The following SPIDR variants were observed in gnomAD, a reference collection of about 807,000 sequenced individuals.
SPIDR encodes the protein DNA repair-scaffolding protein.
A neutral mutation model predicts 104.6 loss-of-function variants in SPIDR; 93 were observed. The observed-to-expected ratio is 0.89, with a 90% CI of 0.75 to 1.06. The LOEUF is 1.06. Among genes scored for constraint, SPIDR ranks in the 50% least tolerant of loss-of-function variants. The pLI is 0.00. For synonymous variants in SPIDR, 431 were observed against 416.9 expected, an observed-to-expected ratio of 1.03 and a Z score of -0.41; for missense variants, 1,154 against 1,111.2, an observed-to-expected ratio of 1.04 and a Z score of -0.55.
In SPIDR at chr8:47,727,305, G is replaced by A. The variant is rs2154493470; in HGVS notation, c.2435+12G>A. 1 of 1,613,014 alleles carries A rather than the reference G, an allele frequency of 6.2e-7. No individual in the cohort carries two copies. On this transcript the variant is annotated intron_variant, in intron 17 of 19. Coordinates refer to ENST00000297423, the MANE Select transcript of SPIDR (RefSeq NM_001080394.4). ...AGGCCGGAAGACAGGTAAGGGGACA[G>A]GAGCTGTCCTGAAAGCCCTAGAACT...
intron 8 of SPIDR, among the ~76,000 whole-genome samples, chr8:47,483,714 G>A (rs1056596864): frequency 7.9e-5 from 12 of 152,150 alleles, no homozygotes; most frequent in African/African-American, 2.9e-4. Context: ...ATATTTGATT[G>A]TCATGGGGAT....
At chr8:47,385,543 C>T (rs1340975175) in intron 5 of SPIDR, among the ~76,000 whole-genome samples, 1 of 152,150 alleles carries the variant, frequency 6.6e-6, no homozygotes, top group Non-Finnish European at 1.5e-5. Flanking sequence ...TTTAACATAC[C>T]TTGCTTTTAG....
intron 8 of SPIDR, among the ~76,000 whole-genome samples, chr8:47,534,865 T>C (rs2154385943): frequency 6.6e-6 from 1 of 151,728 alleles, no homozygotes; most frequent in East Asian, 1.9e-4. Context: ...AAAAAGCTGG[T>C]TCTTTGAACG....
At chr8:47,294,160 T>C in intron 5 of SPIDR, 130 bp downstream of exon 5, 1 of 1,173,652 alleles carries the variant, frequency 8.5e-7, no homozygotes, top group East Asian at 2.5e-5. Context: ...TAGGGGATTC[T>C]TTTGTTCTTT....
At chr8:47,453,072 A>G (rs1554707253) in intron 8 of SPIDR, among the ~76,000 whole-genome samples, 1 of 152,142 alleles carries the variant, frequency 6.6e-6, no homozygotes, top group Non-Finnish European at 1.5e-5. Context: ...CCAATAACAG[A>G]CAAACAGAGA....
At chr8:47,711,416 C>T (rs565577195) in intron 14 of SPIDR, among the ~76,000 whole-genome samples, 4 of 152,176 alleles carry the variant, frequency 2.6e-5, no homozygotes, top group East Asian at 1.9e-4. Flanking sequence ...TCTTCACAGG[C>T]ATGATCTTGG....
Position 47,277,609 on chromosome 8 carries a change from G to T in SPIDR, c.34-2253G>T, listed in dbSNP as rs905675735. Among the ~76,000 whole-genome samples, 28 of 149,554 alleles carry T rather than the reference G, an allele frequency of 1.9e-4. No homozygotes were observed. In the South Asian group the frequency reaches 4.9e-3, roughly 26 times the overall value. ...GGGCTCAAGTAGTCCTCCTGCCTTG[G>T]TCTCCTAAAGTGCTGGGATTACAGG... On this transcript the variant is annotated intron_variant, in intron 1 of 19. Transcript: ENST00000297423.
At chr8:47,306,086 G>GAAAA (rs2043042609) in intron 5 of SPIDR, among the ~76,000 whole-genome samples, 1 of 152,078 alleles carries the variant, frequency 6.6e-6, no homozygotes, top group Admixed American at 6.6e-5. Context: ...GTTTTTCTGT[G>GAAAA]ACTGGTTTAT....
intron 8 of SPIDR, among the ~76,000 whole-genome samples, chr8:47,474,969 A>G (rs1245709102): frequency 6.6e-6 from 1 of 152,218 alleles, no homozygotes; most frequent in Non-Finnish European, 1.5e-5. Flanking sequence ...CAGTAGTTTC[A>G]AAAACACAAA....
intron 8 of SPIDR, among the ~76,000 whole-genome samples, chr8:47,521,737 A>G (rs959659216): frequency 3.3e-5 from 5 of 150,624 alleles, no homozygotes; most frequent in South Asian, 2.1e-4. Context: ...TTATTTTTTT[A>G]TTTTCCTCTA....
chr8:47,400,235 G>A (rs2061699252), intron 6 of SPIDR, among the ~76,000 whole-genome samples: 1 of 152,206 alleles, frequency 6.6e-6, no homozygotes, highest in African/African-American at 2.4e-5. Flanking sequence ...TTAAGGTCAG[G>A]TCACTGTCAG....
At chr8:47,329,244 T>G (rs558670555) in intron 5 of SPIDR, among the ~76,000 whole-genome samples, 1 of 152,090 alleles carries the variant, frequency 6.6e-6, no homozygotes, top group Non-Finnish European at 1.5e-5. Context: ...CTGATTTTTT[T>G]GTATTTTTAG....
At chr8:47,276,876 T>C (rs1245797915) in intron 1 of SPIDR, 1 of 152,070 alleles carries the variant, frequency 6.6e-6, no homozygotes, top group Non-Finnish European at 1.5e-5. Flanking sequence ...ATTTCCTTTT[T>C]ACAGCTTCAA....
intron 8 of SPIDR, among the ~76,000 whole-genome samples, chr8:47,483,665 G>T (rs1698513132): frequency 1.3e-5 from 2 of 152,186 alleles, no homozygotes; most frequent in South Asian, 4.1e-4. Flanking sequence ...TTCTGTGAAG[G>T]TTAATGTATG....
chr8:47,398,807 C>A (rs2061525626), intron 6 of SPIDR, among the ~76,000 whole-genome samples: 1 of 152,070 alleles, frequency 6.6e-6, no homozygotes, highest in Non-Finnish European at 1.5e-5. Context: ...GGGTGCTCTG[C>A]CAAAGTTGGG....
intron 11 of SPIDR, among the ~76,000 whole-genome samples, chr8:47,694,450 C>T (rs1399576003): frequency 2.6e-5 from 4 of 151,698 alleles, no homozygotes; most frequent in Admixed American, 6.6e-5. Flanking sequence ...AAAAGATAAG[C>T]GGGGAGGAAA....
rs1554807757 is a variant in SPIDR at position 47,572,673 on chromosome 8, A to AAAATAAATAAGTAAATAAAT, written c.1098-23128_1098-23127insGTAAATAAATAAATAAATAA. On this transcript the variant is annotated intron_variant, in intron 8 of 19. Transcript: ENST00000297423. ...CAAGACTCCATCTCAAAATTAAATT[A>AAAATAAATAAGTAAATAAAT]AAATAAATAAATAAATAAATAAATA... 4.1e-5 allele frequency among the ~76,000 whole-genome samples: 6 copies of AAAATAAATAAGTAAATAAAT among 145,874 alleles called. No individual in the cohort carries two copies. The South Asian group carries it at 6.6e-4, about 16-fold the overall frequency.
chr8:47,678,720 G>A (rs1191354791), intron 11 of SPIDR, among the ~76,000 whole-genome samples: 2 of 152,202 alleles, frequency 1.3e-5, no homozygotes, highest in African/African-American at 4.8e-5. Flanking sequence ...TCATCCCCTG[G>A]GGAGTGAGGC....
intron 16 of SPIDR, among the ~76,000 whole-genome samples, chr8:47,724,843 T>C (rs916309569): frequency 2.6e-5 from 4 of 152,170 alleles, no homozygotes; most frequent in Non-Finnish European, 4.4e-5. Flanking sequence ...GAGTGGCAGC[T>C]CTGGGGTGTG....
Sources: gnomAD v4.1 joint callset for allele counts (sites outside exome capture counted in the v4.1 genomes callset) on GRCh38, gnomAD v4.1.1 for gene constraint, MANE v1.5 for transcripts, NCBI Gene and HGNC (gene_info 2026-07-23, HGNC 2026-07-21) for gene names.